The following POU2F2 variants were observed in gnomAD, a reference collection of about 807,000 sequenced individuals.
The protein encoded by POU2F2 is POU class 2 homeobox 2, also known as POU domain, class 2, transcription factor 2.
POU2F2 carries 14 observed loss-of-function variants against 63.5 expected under a neutral mutation model. That is an observed-to-expected ratio of 0.22 (90% CI 0.15 to 0.34). The LOEUF (loss-of-function observed/expected upper bound fraction) is 0.34, where lower values mean the gene tolerates loss of function less well. Among genes scored for constraint, POU2F2 ranks in the 10% least tolerant of loss-of-function variants. POU2F2 has a pLI of 1.00. For synonymous variants in POU2F2, 306 were observed against 348.6 expected (o/e 0.88, Z 1.36); for missense variants, 607 against 815.2 (o/e 0.74, Z 3.11).
intron 1 of POU2F2, among the ~76,000 whole-genome samples, chr19:42,126,455 AAAG>A (rs901092852): frequency 1.3e-5 from 2 of 151,904 alleles, no homozygotes; most frequent in African/African-American, 2.4e-5. Context: ...AAAAAAAAAA[AAAG>A]AAGAAAAAGA....
At chr19:42,116,797 C>G (rs2031930371) in intron 5 of POU2F2, 1 of 364,798 alleles carries the variant, frequency 2.7e-6, no homozygotes, top group Admixed American at 3.5e-5. Flanking sequence ...CAGGTCACCC[C>G]CCCCAGAGGA....
intron 1 of POU2F2, 64 bp downstream of exon 1, chr19:42,132,320 C>G: frequency 6.5e-7 from 1 of 1,549,972 alleles, no homozygotes; most frequent in Middle Eastern, 1.7e-4. Flanking sequence ...AGGCAGGGCC[C>G]GCAGAGCAAA....
At chr19:42,167,455 C>A (rs556375544) in intron 1 of POU2F2, among the ~76,000 whole-genome samples, 2 of 150,906 alleles carry the variant, frequency 1.3e-5, no homozygotes, top group Non-Finnish European at 1.5e-5. Context: ...CTCTGTCCCC[C>A]CAAACTCCAA....
chr19:42,150,786 C>G (rs1307279717), intron 2 of POU2F2, among the ~76,000 whole-genome samples: 1 of 152,178 alleles, frequency 6.6e-6, no homozygotes, highest in African/African-American at 2.4e-5. Context: ...TCGCTGCACT[C>G]CCAATGCCGC....
intron 1 of POU2F2, among the ~76,000 whole-genome samples, chr19:42,125,602 C>T (rs920493933): frequency 6.6e-5 from 10 of 152,210 alleles, no homozygotes; most frequent in Non-Finnish European, 1.5e-4. Flanking sequence ...AGCCCTACTT[C>T]AGGCAGCCAC....
rs2076772427 is a variant in POU2F2 at position 42,092,855 on chromosome 19, G to C, written c.1265-585C>G. Among the ~76,000 whole-genome samples the C allele has an allele frequency of 6.6e-6, 1 of 151,892 alleles. No individual in the cohort carries two copies. The highest frequency in any genetic ancestry group is 2.4e-5 in the African/African-American group (1 of 41,292). On this transcript the variant is annotated intron_variant, in intron 12 of 14. Coordinates refer to ENST00000692977, the MANE Select transcript of POU2F2 (RefSeq NM_001394376.1). The surrounding 1 kb of genome is among the most constrained non-coding windows in gnomAD (Gnocchi z 5.0). The stretch of plus-strand genomic sequence containing the variant: ...TGCAGTTTAGAAAGAGTTTAGTACA[G>C]TGCCAGGCAAGCACTTACTACTTTA...
chr19:42,091,294 C>T lies in POU2F2; in HGVS notation c.1838G>A (p.Gly613Asp). Reference protein sequence around the residue: ...CSETAAQTPGGPGGPEAGSKP... With the variant: ...CSETAAQTPGDPGGPEAGSKP... The stretch of plus-strand genomic sequence containing the variant: ...GGACCCTGCCTCGGGCCCCCCTGGA[C>T]CTCCAGGGGTCTGTGCTGCCGTCTC... The change falls in exon 15 of 15, where the codon GGT becomes GAT. Residue 613 changes from glycine (G) to aspartate (D), a missense_variant. Physicochemically the swap from Gly to Asp is moderately conservative, Grantham distance 94. Coordinates refer to ENST00000692977, the MANE Select transcript of POU2F2 (RefSeq NM_001394376.1). 1 of 1,533,740 alleles carries T rather than the reference C, an allele frequency of 6.5e-7. No individual in the cohort carries two copies. The highest frequency in any genetic ancestry group is 8.7e-7 in the Non-Finnish European group (1 of 1,146,592).
chr19:42,107,859 A>G (rs984256309), intron 5 of POU2F2, among the ~76,000 whole-genome samples: 1 of 152,010 alleles, frequency 6.6e-6, no homozygotes, highest in African/African-American at 2.4e-5. Flanking sequence ...TGGCCTGCCC[A>G]CCACCCCCGC....
At position 42,122,165 on chromosome 19, in the gene POU2F2, G is replaced by T; in HGVS notation, c.147C>A (p.Thr49=). ...CAGTTGGGGACACGGAGAATGGGGA[G>T]GTCTTATTTTGGGGGTTCTGCAAAG... The part of the protein sequence containing the change: ...DTNHQNPQNK[T]SPFSVSPTGP... Residue 49 remains threonine, a synonymous_variant, in exon 4 of 15, where the codon ACC becomes ACA. Transcript: ENST00000692977. 6.2e-7 allele frequency: 1 copy of T among 1,613,452 alleles called. No individual in the cohort carries two copies. The highest frequency in any genetic ancestry group is 8.5e-7 in the Non-Finnish European group (1 of 1,179,542).
chr19:42,176,723 C>T (rs1222329209), upstream of POU2F2, among the ~76,000 whole-genome samples: 3 of 151,438 alleles, frequency 2.0e-5, no homozygotes, highest in East Asian at 2.0e-4. Context: ...CTGACCCCCC[C>T]CATCCCCAAA....
intron 2 of POU2F2, among the ~76,000 whole-genome samples, chr19:42,140,116 T>C (rs932220314): frequency 2.6e-5 from 4 of 152,238 alleles, no homozygotes; most frequent in African/African-American, 9.6e-5. Context: ...TCCACTGCCA[T>C]GTGCTCACCA....
Position 42,108,411 on chromosome 19 carries a change from C to CGGGG in POU2F2, c.370-8594_370-8591dup, listed in dbSNP as rs2030498543. ...TTCCAGACCAGCCTGGGCAACATGA[C>CGGGG]GGGGTCTCTACAAAAAATCCAGGCA... On this transcript the variant is annotated intron_variant, in intron 5 of 14. Transcript: ENST00000692977. Among the ~76,000 whole-genome samples the CGGGG allele has an allele frequency of 2.6e-5, 4 of 152,004 alleles. No individual in the cohort carries two copies. The South Asian group carries it at 8.3e-4, about 32-fold the overall frequency.
At chr19:42,158,600 C>A (rs1363409427) in intron 2 of POU2F2, among the ~76,000 whole-genome samples, 1 of 152,224 alleles carries the variant, frequency 6.6e-6, no homozygotes, top group Admixed American at 6.5e-5. Context: ...CAGGCCCTTG[C>A]ACAAAGGTGG....
At chr19:42,102,980 AC>A (rs1471214850) in intron 5 of POU2F2, among the ~76,000 whole-genome samples, 3 of 149,874 alleles carry the variant, frequency 2.0e-5, no homozygotes, top group African/African-American at 7.4e-5. Context: ...CTCATCTCCC[AC>A]TGCCCTATCC....
At chr19:42,193,091 T>C (rs1001660245) in intron 1 of POU2F2, among the ~76,000 whole-genome samples, 2 of 145,954 alleles carry the variant, frequency 1.4e-5, no homozygotes, top group Non-Finnish European at 3.0e-5. Context: ...CCGGGCGTGG[T>C]GGTGGGCGAC....
chr19:42,182,904 A>G (rs969188870), intron 1 of POU2F2, among the ~76,000 whole-genome samples: 1 of 152,088 alleles, frequency 6.6e-6, no homozygotes, highest in Non-Finnish European at 1.5e-5. Context: ...CAGGCAATGG[A>G]GCAGGGCCCT....
chr19:42,098,640 A>G (rs555915084), intron 7 of POU2F2, among the ~76,000 whole-genome samples: 4 of 152,322 alleles, frequency 2.6e-5, no homozygotes, highest in African/African-American at 9.6e-5. Context: ...TCTCATGCCA[A>G]TGGTGGAAGA....
chr19:42,181,132 T>C (rs758025829), intron 1 of POU2F2, among the ~76,000 whole-genome samples: 1 of 152,180 alleles, frequency 6.6e-6, no homozygotes. Context: ...TCAGATCCAA[T>C]AGGAGACTTA....
intron 5 of POU2F2, among the ~76,000 whole-genome samples, chr19:42,108,269 A>C (rs2030458991): frequency 6.6e-6 from 1 of 152,188 alleles, no homozygotes. Flanking sequence ...TATTCACTAA[A>C]TATTTGCCAA....
Sources: gnomAD v4.1 joint callset for allele counts (sites outside exome capture counted in the v4.1 genomes callset) on GRCh38, gnomAD v4.1.1 for gene constraint, Gnocchi (gnomAD v3.1) non-coding constraint, MANE v1.5 for transcripts, NCBI Gene and HGNC (gene_info 2026-07-23, HGNC 2026-07-21) for gene names.